ANKH: variants seen among roughly 807,000 people sequenced by gnomAD.
ANKH encodes mineralization regulator ANKH.
Under a neutral mutation model 49.0 loss-of-function variants are expected in ANKH, and 15 were observed. The ratio of observed to expected loss-of-function variants is 0.31; its 90% CI spans 0.20 to 0.47. ANKH has a LOEUF of 0.47. Ranked by LOEUF, ANKH falls within the 20% of genes least tolerant of loss-of-function variation. The probability of loss-of-function intolerance (pLI) is 1.00; values close to 1 mark genes in which losing one functional copy is unlikely to be tolerated. For synonymous variants in ANKH, 273 were observed against 260.0 expected (o/e 1.05, Z -0.48); for missense variants, 429 against 652.0 (o/e 0.66, Z 3.72).
At chr5:14,724,405 C>T (rs1737761331) in intron 8 of ANKH, 1 of 242,462 alleles carries the variant, frequency 4.1e-6, no homozygotes, top group African/African-American at 2.3e-5. Context: ...TGTGTTGGGG[C>T]AGTACTTGAC....
chr5:14,803,520 T>G (rs898490711), intron 1 of ANKH, among the ~76,000 whole-genome samples: 5 of 152,206 alleles, frequency 3.3e-5, no homozygotes, highest in African/African-American at 1.2e-4. Context: ...TCTCAAGTGA[T>G]CCACCTGCCT....
At chr5:14,768,840 A>T in intron 2 of ANKH, 135 bp downstream of exon 2, 1 of 989,412 alleles carries the variant, frequency 1.0e-6, no homozygotes, top group Non-Finnish European at 1.6e-6. Context: ...CTTTCCTTCT[A>T]TCCCCTGAAA....
At chr5:14,717,285 A>G (rs968188108) in intron 8 of ANKH, among the ~76,000 whole-genome samples, 2 of 152,276 alleles carry the variant, frequency 1.3e-5, no homozygotes, top group African/African-American at 4.8e-5. Context: ...ATCAGCACAC[A>G]TAATGAAAAG....
At position 14,725,078 on chromosome 5, in the gene ANKH, A is replaced by C. The variant is rs1737783579; in HGVS notation, c.1012-8243T>G. Among the ~76,000 whole-genome samples the C allele has an allele frequency of 6.6e-6, 1 of 152,126 alleles. No homozygotes were observed. ...CAATATACCTTTTTAATTGGGTTGAAGTCCCCACCGGGCAAGCCAGTGGTT... is the reference window on the plus strand; with the variant it reads ...CAATATACCTTTTTAATTGGGTTGACGTCCCCACCGGGCAAGCCAGTGGTT... On this transcript the variant is annotated intron_variant, in intron 8 of 11. Transcript: ENST00000284268. The surrounding 1 kb of genome is among the most constrained non-coding windows in gnomAD (Gnocchi z 4.0).
intron 8 of ANKH, among the ~76,000 whole-genome samples, chr5:14,740,155 C>T (rs900116858): frequency 3.3e-5 from 5 of 152,072 alleles, no homozygotes; most frequent in East Asian, 1.9e-4. Flanking sequence ...GTTTCTGGAC[C>T]GCAGAGCCAG....
In ANKH at chr5:14,719,813, T is replaced by A. The variant is rs116374019; in HGVS notation, c.1012-2978A>T. 3.0e-3 allele frequency among the ~76,000 whole-genome samples: 464 copies of A among 152,210 alleles called. 4 individuals are homozygous for A. The highest frequency in any genetic ancestry group is 0.01 in the African/African-American group (435 of 41,530). Reference sequence around the variant, plus strand: ...GGGCTGGGGACATGGCTACTGTGAGTTACAATCCTTACAGAGCTGACTTGG... The same window carrying A: ...GGGCTGGGGACATGGCTACTGTGAGATACAATCCTTACAGAGCTGACTTGG... On this transcript the variant is annotated intron_variant, in intron 8 of 11. Coordinates refer to ENST00000284268, the MANE Select transcript of ANKH (RefSeq NM_054027.6).
intron 1 of ANKH, among the ~76,000 whole-genome samples, chr5:14,780,005 T>C (rs544945712): frequency 6.6e-6 from 1 of 152,172 alleles, no homozygotes; most frequent in South Asian, 2.1e-4. Flanking sequence ...TAACAGAAGT[T>C]AGTTGCCATG....
chr5:14,831,450 T>C (rs1407444065), intron 1 of ANKH, among the ~76,000 whole-genome samples: 2 of 152,142 alleles, frequency 1.3e-5, no homozygotes, highest in African/African-American at 4.8e-5. Flanking sequence ...TGTAGTTGAG[T>C]TCACTGGTGA....
chr5:14,721,571 T>A (rs1737659101), intron 8 of ANKH, among the ~76,000 whole-genome samples: 1 of 152,054 alleles, frequency 6.6e-6, no homozygotes, highest in Non-Finnish European at 1.5e-5. Context: ...TTTCAACGAG[T>A]GGATATTTCT....
intron 1 of ANKH, among the ~76,000 whole-genome samples, chr5:14,830,647 G>A (rs557600508): frequency 9.2e-5 from 14 of 152,216 alleles, no homozygotes; most frequent in South Asian, 2.1e-4. Flanking sequence ...CAGCAAGTCC[G>A]ACTAAGATAG....
intron 6 of ANKH, 91 bp downstream of exon 6, chr5:14,749,081 T>G: frequency 2.5e-5 from 39 of 1,559,870 alleles, no homozygotes; most frequent in Non-Finnish European, 3.1e-5. Context: ...GGGAATTACT[T>G]GAGCTCTCGA....
intron 4 of ANKH, among the ~76,000 whole-genome samples, chr5:14,753,285 TAGC>T (rs1206382079): frequency 2.0e-5 from 3 of 152,212 alleles, no homozygotes; most frequent in African/African-American, 7.2e-5. Context: ...GCTACAGAGT[TAGC>T]AGAGGTGAAG....
At chr5:14,788,165 C>G (rs1374551540) in intron 1 of ANKH, 3 of 152,196 alleles carry the variant, frequency 2.0e-5, no homozygotes, top group African/African-American at 7.2e-5. Flanking sequence ...TCAAGGCCAA[C>G]CTCTGGATTT....
intron 1 of ANKH, among the ~76,000 whole-genome samples, chr5:14,858,024 T>G (rs1180094042): frequency 6.6e-6 from 1 of 152,222 alleles, no homozygotes; most frequent in Non-Finnish European, 1.5e-5. Context: ...TTATTTACAA[T>G]AGGAATAAAA....
chr5:14,709,693 T>C lies in ANKH; in HGVS notation c.*1504A>G, dbSNP rs1281864700. On this transcript the variant is annotated 3_prime_UTR_variant, in exon 12 of 12. Coordinates refer to ENST00000284268, the MANE Select transcript of ANKH (RefSeq NM_054027.6). ...CCATAATGAAAAATAGTTCTGTCAT[T>C]TACTGAGCCTTACATTCAAATGCAA... 1 of 152,596 alleles carries C rather than the reference T, an allele frequency of 6.6e-6. No individual in the cohort carries two copies. Among genetic ancestry groups the C allele is most frequent in the East Asian group, 1.9e-4 (1 of 5,202 alleles). The allele number at this position is 152,596 out of a possible 1,614,324, so 9.5% of individuals were successfully genotyped here.
At chr5:14,782,268 C>G (rs1739831333) in intron 1 of ANKH, among the ~76,000 whole-genome samples, 1 of 152,156 alleles carries the variant, frequency 6.6e-6, no homozygotes. Flanking sequence ...AGTGCTCACC[C>G]TGTGGCAGAC....
At position 14,745,356 on chromosome 5, in the gene ANKH, G is replaced by C. The variant is rs937498619; in HGVS notation, c.915+514C>G. On this transcript the variant is annotated intron_variant, in intron 7 of 11. Transcript: ENST00000284268. This position sits in a 1 kb window ranked among gnomAD's most constrained non-coding sequence, Gnocchi z 4.7. ...TGTGACTCCCATGGCTGGGGAGACAGAGCAGCTGTCAACAGGCTTTCCACT... is the reference window on the plus strand; with the variant it reads ...TGTGACTCCCATGGCTGGGGAGACACAGCAGCTGTCAACAGGCTTTCCACT... Among the ~76,000 whole-genome samples, 2 of 152,182 alleles carry C rather than the reference G, an allele frequency of 1.3e-5. No individual in the cohort carries two copies. The highest frequency in any genetic ancestry group is 4.8e-5 in the African/African-American group (2 of 41,430).
intron 1 of ANKH, among the ~76,000 whole-genome samples, chr5:14,842,569 C>T (rs1292654000): frequency 6.6e-6 from 1 of 152,144 alleles, no homozygotes; most frequent in Non-Finnish European, 1.5e-5. Flanking sequence ...CCAGCTGTGT[C>T]TCAAACTGCA....
intron 1 of ANKH, among the ~76,000 whole-genome samples, chr5:14,819,103 G>A (rs934321629): frequency 6.6e-6 from 1 of 152,104 alleles, no homozygotes; most frequent in East Asian, 1.9e-4. Context: ...GCTACCCCTC[G>A]TCTGGCATGA....
Sources: allele counts gnomAD v4.1 joint callset (sites outside exome capture counted in the v4.1 genomes callset), GRCh38; gene constraint gnomAD v4.1.1; non-coding constraint Gnocchi (gnomAD v3.1); transcripts MANE v1.5; gene names NCBI Gene and HGNC (gene_info 2026-07-23, HGNC 2026-07-21).